Variants in ST6GAL2 observed in about 807,000 individuals in gnomAD.
ST6GAL2 encodes the protein ST6 beta-galactoside alpha-2,6-sialyltransferase 2, also known as beta-galactoside alpha-2,6-sialyltransferase 2.
Under a neutral mutation model 37.5 loss-of-function variants are expected in ST6GAL2, and 24 were observed. That is an observed-to-expected ratio of 0.64 (90% CI 0.46 to 0.90). ST6GAL2 has a LOEUF of 0.90. Among genes scored for constraint, ST6GAL2 ranks in the 40% least tolerant of loss-of-function variants. The pLI, the probability that ST6GAL2 is intolerant of heterozygous loss-of-function variation, is 0.00. For synonymous variants in ST6GAL2, 306 were observed against 295.1 expected, an observed-to-expected ratio of 1.04 and a Z score of -0.38; for missense variants, 715 against 712.7, an observed-to-expected ratio of 1.00 and a Z score of -0.04.
Position 106,806,933 on chromosome 2 carries a change from C to T in ST6GAL2, c.1335G>A (p.Met445Ile), listed in dbSNP as rs567302242. 1 of 1,611,374 alleles carries T rather than the reference C, an allele frequency of 6.2e-7. No homozygotes were observed. The highest frequency in any genetic ancestry group is 1.3e-5 in the African/African-American group (1 of 74,968). Residue 445 changes from methionine (M) to isoleucine (I), a missense_variant, in exon 6 of 6, where the codon ATG (methionine) becomes ATA (isoleucine). Around this residue, in one of 3 missense-constraint regions of ST6GAL2, gnomAD observed 198 missense variants for 203.6 expected, o/e 0.97. Transcript: ENST00000409382. ...SSGFIGILIMMSMCREVHVYE... is the reference protein window; with the variant it reads ...SSGFIGILIMISMCREVHVYE... ...ACACGTGCACCTCTCTGCACATGGA[C>T]ATCATTATGAGGATTCCTGACATGA...
At chr2:106,839,294 T>C (rs1436393014) in intron 2 of ST6GAL2, among the ~76,000 whole-genome samples, 1 of 152,072 alleles carries the variant, frequency 6.6e-6, no homozygotes, top group Non-Finnish European at 1.5e-5. Flanking sequence ...GGCCTTCAGC[T>C]TGGTCTCCTC....
intron 1 of ST6GAL2, among the ~76,000 whole-genome samples, chr2:106,875,133 G>A (rs6754440): frequency 0.69 from 104,361 of 151,016 alleles, 36,352 homozygotes; most frequent in Non-Finnish European, 0.75. Context: ...ATTCTCTTCC[G>A]TTCTACTAAA....
intron 1 of ST6GAL2, among the ~76,000 whole-genome samples, chr2:106,861,913 A>G (rs1331441775): frequency 1.3e-5 from 2 of 152,194 alleles, no homozygotes; most frequent in South Asian, 2.1e-4. Context: ...GATTACAGGC[A>G]TGAGCCACCA....
At chr2:106,877,154 C>G (rs992896782) in intron 1 of ST6GAL2, among the ~76,000 whole-genome samples, 1 of 152,166 alleles carries the variant, frequency 6.6e-6, no homozygotes, top group East Asian at 1.9e-4. Context: ...GACTACAATA[C>G]CACCTTCAGA....
At position 106,835,910 on chromosome 2, in the gene ST6GAL2, CTTAT is replaced by C. The variant is rs370184503; in HGVS notation, c.944-1768_944-1765del. ...CATACTTTATTGAGGTAATGGATTT[CTTAT>C]TTATTTTTATTGAATAATGTTTTGT... On this transcript the variant is annotated intron_variant, in intron 2 of 5. Transcript: ENST00000409382. 2.4e-4 allele frequency among the ~76,000 whole-genome samples: 36 copies of C among 152,194 alleles called. No individual in the cohort carries two copies. The South Asian group carries it at 6.2e-3, about 26-fold the overall frequency.
At chr2:106,825,641 C>T (rs949110063) in intron 5 of ST6GAL2, among the ~76,000 whole-genome samples, 6 of 152,350 alleles carry the variant, frequency 3.9e-5, no homozygotes, top group African/African-American at 1.4e-4. Flanking sequence ...TTTGTATCTG[C>T]TATGTACCAG....
intron 1 of ST6GAL2, among the ~76,000 whole-genome samples, chr2:106,866,913 A>G (rs1678049375): frequency 6.6e-6 from 1 of 152,248 alleles, no homozygotes; most frequent in African/African-American, 2.4e-5. Context: ...GTGATTATGC[A>G]AACAAGTTAA....
chr2:106,827,895 A>AACT (rs1238745961), intron 5 of ST6GAL2, among the ~76,000 whole-genome samples: 1 of 152,202 alleles, frequency 6.6e-6, no homozygotes, highest in Non-Finnish European at 1.5e-5. Flanking sequence ...TCAGAGGATT[A>AACT]ACTAACTTGC....
At chr2:106,869,477 A>G (rs959769367) in intron 1 of ST6GAL2, among the ~76,000 whole-genome samples, 16 of 152,138 alleles carry the variant, frequency 1.1e-4, no homozygotes, top group African/African-American at 3.6e-4. Flanking sequence ...CTCCCATCCT[A>G]GGAAGCCCGC....
Position 106,843,480 on chromosome 2 carries a change from T to A in ST6GAL2, c.498A>T (p.Ala166=). 6.2e-7 allele frequency: 1 copy of A among 1,614,028 alleles called. No individual in the cohort carries two copies. The highest frequency in any genetic ancestry group is 8.5e-7 in the Non-Finnish European group (1 of 1,179,998). ...PGPREGAFPA[A]QVQRRRVKKR... is the part of the protein sequence containing the mutation. Reference sequence around the variant, plus strand: ...TCTTCACCCGCCTCCTCTGGACCTGTGCAGCCGGAAAAGCCCCCTCCCGTG... The same window carrying A: ...TCTTCACCCGCCTCCTCTGGACCTGAGCAGCCGGAAAAGCCCCCTCCCGTG... The change falls in exon 2 of 6, where the codon GCA becomes GCT. Residue 166 remains alanine (A), a synonymous_variant. Transcript: ENST00000409382.
In ST6GAL2 at chr2:106,878,751, C is replaced by T. The variant is rs1389352251; in HGVS notation, c.-58+7342G>A. On this transcript the variant is annotated intron_variant, in intron 1 of 5. Coordinates refer to ENST00000409382, the MANE Select transcript of ST6GAL2 (RefSeq NM_001142351.2). Reference sequence around the variant, plus strand: ...ATACTATGCCATTTTATATCAGGGACTTGAGCATCCATGGATTAGGGTATC... The same window carrying T: ...ATACTATGCCATTTTATATCAGGGATTTGAGCATCCATGGATTAGGGTATC... 1.8e-4 allele frequency among the ~76,000 whole-genome samples: 27 copies of T among 152,110 alleles called. 1 individual carries two copies. The highest frequency in any genetic ancestry group is 1.7e-3 in the Admixed American group (26 of 15,272).
At chr2:106,878,763 T>C (rs1041201959) in intron 1 of ST6GAL2, among the ~76,000 whole-genome samples, 8 of 152,146 alleles carry the variant, frequency 5.3e-5, no homozygotes, top group African/African-American at 1.4e-4. Context: ...TGAGCATCCA[T>C]GGATTAGGGT....
chr2:106,836,606 C>T (rs1676649099), intron 2 of ST6GAL2, among the ~76,000 whole-genome samples: 1 of 151,152 alleles, frequency 6.6e-6, no homozygotes, highest in Admixed American at 6.6e-5. Flanking sequence ...GTCAGACATT[C>T]CAAATAGTGA....
intron 2 of ST6GAL2, among the ~76,000 whole-genome samples, chr2:106,835,173 C>A (rs1676585209): frequency 6.6e-6 from 1 of 152,306 alleles, no homozygotes; most frequent in Middle Eastern, 3.4e-3. Flanking sequence ...TTTCTAAGGG[C>A]CATCTTTAGC....
intron 1 of ST6GAL2, among the ~76,000 whole-genome samples, chr2:106,859,742 G>A (rs1327953071): frequency 6.6e-6 from 1 of 152,100 alleles, no homozygotes; most frequent in Admixed American, 6.6e-5. Flanking sequence ...AAGAACTTCT[G>A]AACTGGTTTC....
chr2:106,806,848 C>T lies in ST6GAL2; in HGVS notation c.1420G>A (p.Asp474Asn), dbSNP rs375214904. The T allele has an allele frequency of 1.9e-5, 30 of 1,614,022 alleles. No individual in the cohort carries two copies. The highest frequency in any genetic ancestry group is 1.6e-4 in the Middle Eastern group (1 of 6,084). ...TACGCCCCGAGGGTGCAGGCTGCGT[C>T]GTAGTACAGCTCGTGGTAGTGGCAC... ...ELCHYHELYY[D>N]AACTLGAYHP... Residue 474 changes from aspartate to asparagine, a missense_variant, in exon 6 of 6, where the codon GAC (aspartate) becomes AAC (asparagine). Physicochemically the swap from Asp to Asn is conservative, Grantham distance 23. Transcript: ENST00000409382.
At chr2:106,884,776 C>T (rs185886364) in intron 1 of ST6GAL2, among the ~76,000 whole-genome samples, 1 of 151,528 alleles carries the variant, frequency 6.6e-6, no homozygotes, top group East Asian at 1.9e-4. Flanking sequence ...CAAAATTCCT[C>T]AAGTGGTATA....
Position 106,806,787 on chromosome 2 carries a change from C to T in ST6GAL2, c.1481G>A (p.Arg494His), listed in dbSNP as rs757962368. Residue 494 changes from arginine to histidine, a missense_variant, in exon 6 of 6, where the codon CGC becomes CAC. Physicochemically the swap from Arg to His is conservative, Grantham distance 29 (BLOSUM62 0). Coordinates refer to ENST00000409382, the MANE Select transcript of ST6GAL2 (RefSeq NM_001142351.2). ...PLLYEKLLVQ[R>H]LNMGTQGDLH... Reference sequence around the variant, plus strand: ...ATCCCCCTGCGTGCCCATGTTCAGGCGCTGCACCAGGAGCTTCTCATAGAG... The same window carrying T: ...ATCCCCCTGCGTGCCCATGTTCAGGTGCTGCACCAGGAGCTTCTCATAGAG... 1.1e-5 allele frequency: 18 copies of T among 1,614,054 alleles called. No homozygotes were observed. Among genetic ancestry groups the T allele is most frequent in the African/African-American group, 4.0e-5 (3 of 74,930 alleles).
chr2:106,886,964 T>G (rs1679028279), upstream of ST6GAL2: 1 of 152,390 alleles, frequency 6.6e-6, no homozygotes, highest in African/African-American at 2.4e-5. Context: ...CCCTAGTTCT[T>G]CCGAAGGTTA....
Sources: gnomAD v4.1 joint callset for allele counts (sites outside exome capture counted in the v4.1 genomes callset) on GRCh38, gnomAD v4.1.1 for gene constraint, gnomAD v4.1.1 regional missense constraint, MANE v1.5 for transcripts, NCBI Gene and HGNC (gene_info 2026-07-23, HGNC 2026-07-21) for gene names.